TMEM132D: variants seen among roughly 807,000 people sequenced by gnomAD.
TMEM132D encodes the protein transmembrane protein 132D.
A neutral mutation model predicts 62.3 loss-of-function variants in TMEM132D; 21 were observed. The observed-to-expected ratio is 0.34, with a 90% CI of 0.24 to 0.49. The LOEUF is 0.49. TMEM132D is among the 20% of genes least tolerant of loss of function. The pLI is 0.99. For synonymous variants in TMEM132D, 621 were observed against 575.6 expected (o/e 1.08, Z -1.13); for missense variants, 1,346 against 1,402.8 (o/e 0.96, Z 0.65).
intron 4 of TMEM132D, among the ~76,000 whole-genome samples, chr12:129,335,732 T>C (rs955569392): frequency 6.6e-6 from 1 of 152,122 alleles, no homozygotes; most frequent in Non-Finnish European, 1.5e-5. Flanking sequence ...TACCTTTTCT[T>C]TTATTTCCTT....
chr12:129,208,065 G>C (rs548834151), intron 5 of TMEM132D, among the ~76,000 whole-genome samples: 1 of 152,276 alleles, frequency 6.6e-6, no homozygotes, highest in South Asian at 2.1e-4. Flanking sequence ...GCAGAGGAGT[G>C]ACATGGTCAT....
rs1873607772 is a variant in TMEM132D at position 129,460,011 on chromosome 12, A to G, written c.1115+71048T>C. Among the ~76,000 whole-genome samples, 5 of 152,216 alleles carry G rather than the reference A, an allele frequency of 3.3e-5. No homozygotes were observed. The South Asian group carries it at 8.3e-4, about 25-fold the overall frequency. On this transcript the variant is annotated intron_variant, in intron 3 of 8. Transcript: ENST00000422113. The stretch of plus-strand genomic sequence containing the variant: ...GATACATCCTTCCTGGAGTGTGTAT[A>G]AAGTATACTATGACTGCAAGTGTAT...
intron 2 of TMEM132D, among the ~76,000 whole-genome samples, chr12:129,677,744 T>C (rs1481520699): frequency 2.0e-5 from 3 of 152,006 alleles, no homozygotes; most frequent in Non-Finnish European, 4.4e-5. Flanking sequence ...ACACGTTTAG[T>C]ATTCTGATGT....
chr12:129,400,184 G>C lies in TMEM132D; in HGVS notation c.1116-62367C>G, dbSNP rs527276719. Among the ~76,000 whole-genome samples the C allele has an allele frequency of 1.3e-5, 2 of 152,062 alleles. 1 individual carries two copies. Among genetic ancestry groups the C allele is most frequent in the Admixed American group, 1.3e-4 (2 of 15,256 alleles). ...TAAGTGAGGCCCCAAATTCAGAATG[G>C]GGAAAAGGCCAAGTAGAGGGTGAGG... is the stretch of plus-strand genomic sequence containing the variant. On this transcript the variant is annotated intron_variant, in intron 3 of 8. Coordinates refer to ENST00000422113, the MANE Select transcript of TMEM132D (RefSeq NM_133448.3).
intron 1 of TMEM132D, among the ~76,000 whole-genome samples, chr12:129,874,589 G>A (rs1228095891): frequency 5.8e-5 from 7 of 120,634 alleles, no homozygotes; most frequent in African/African-American, 1.5e-4. Flanking sequence ...AATAAAGCTA[G>A]GTTAAAAAAA....
At chr12:129,427,917 TTATCTTA>T (rs1431323720) in intron 3 of TMEM132D, among the ~76,000 whole-genome samples, 3 of 152,002 alleles carry the variant, frequency 2.0e-5, no homozygotes, top group Non-Finnish European at 4.4e-5. Flanking sequence ...CCGAAACACC[TTATCTTA>T]TCTTATCTCT....
At chr12:129,846,840 T>C (rs1248251007) in intron 1 of TMEM132D, among the ~76,000 whole-genome samples, 1 of 152,246 alleles carries the variant, frequency 6.6e-6, no homozygotes, top group Non-Finnish European at 1.5e-5. Flanking sequence ...AATCTTGTCA[T>C]GTTTCCTTTT....
chr12:129,347,153 A>G (rs778870494), intron 3 of TMEM132D, among the ~76,000 whole-genome samples: 1 of 152,214 alleles, frequency 6.6e-6, no homozygotes, highest in Non-Finnish European at 1.5e-5. Flanking sequence ...TACAGATTCA[A>G]TGCTATCCCC....
At chr12:129,356,323 A>ATTTT (rs1180906878) in intron 3 of TMEM132D, among the ~76,000 whole-genome samples, 2 of 66,764 alleles carry the variant, frequency 3.0e-5, no homozygotes, top group Non-Finnish European at 6.1e-5. Flanking sequence ...CGCCCGGCTA[A>ATTTT]TTTTTTTGTA....
chr12:129,179,546 G>A (rs954041233), intron 5 of TMEM132D, among the ~76,000 whole-genome samples: 1 of 152,124 alleles, frequency 6.6e-6, no homozygotes, highest in Non-Finnish European at 1.5e-5. Context: ...TTCCACTAAG[G>A]CTGGTAGGCA....
At chr12:129,196,957 G>C (rs1878566517) in intron 5 of TMEM132D, among the ~76,000 whole-genome samples, 1 of 152,142 alleles carries the variant, frequency 6.6e-6, no homozygotes, top group African/African-American at 2.4e-5. Flanking sequence ...TAGGGTGTCA[G>C]TAAATAATCA....
At chr12:129,127,561 C>T (rs1318729456) in intron 5 of TMEM132D, among the ~76,000 whole-genome samples, 2 of 152,172 alleles carry the variant, frequency 1.3e-5, no homozygotes, top group African/African-American at 4.8e-5. Context: ...GAACAGCCCA[C>T]TCTCTGGGCA....
chr12:129,124,149 G>C (rs747316170), intron 5 of TMEM132D, among the ~76,000 whole-genome samples: 2 of 152,090 alleles, frequency 1.3e-5, no homozygotes, highest in African/African-American at 4.8e-5. Context: ...CAGATTTACA[G>C]GGTTACAGGG....
At chr12:129,776,149 T>C (rs1870914246) in intron 1 of TMEM132D, among the ~76,000 whole-genome samples, 1 of 151,990 alleles carries the variant, frequency 6.6e-6, no homozygotes, top group Admixed American at 6.6e-5. Context: ...AAAAGCAAAA[T>C]CATGAGAAAG....
At chr12:129,201,886 C>A (rs1028209012) in intron 5 of TMEM132D, among the ~76,000 whole-genome samples, 1 of 152,136 alleles carries the variant, frequency 6.6e-6, no homozygotes, top group Non-Finnish European at 1.5e-5. Flanking sequence ...ACTTTTCAAT[C>A]ATGTGACAAT....
intron 2 of TMEM132D, among the ~76,000 whole-genome samples, chr12:129,649,894 TTGTG>T (rs57011788): frequency 0.053 from 8,068 of 151,698 alleles, 609 homozygotes; most frequent in African/African-American, 0.17. Flanking sequence ...ATATGTGTGT[TTGTG>T]TGTGTGTCTA....
At chr12:129,790,116 G>A (rs1871361190) in intron 1 of TMEM132D, among the ~76,000 whole-genome samples, 1 of 152,168 alleles carries the variant, frequency 6.6e-6, no homozygotes, top group African/African-American at 2.4e-5. Flanking sequence ...GGGAGCGCAG[G>A]TGAGCAGATG....
In TMEM132D at chr12:129,332,011, G is replaced by C. The variant is rs181176993; in HGVS notation, c.1299+5623C>G. On this transcript the variant is annotated intron_variant, in intron 4 of 8. Transcript: ENST00000422113. ...GGATTGCTTGAGGCCAGGAGTTCGAGACTAGCCTGGGCAACCTGGCAAAAC... is the reference window on the plus strand; with the variant it reads ...GGATTGCTTGAGGCCAGGAGTTCGACACTAGCCTGGGCAACCTGGCAAAAC... Among the ~76,000 whole-genome samples, 1,254 of 152,274 alleles carry C rather than the reference G, an allele frequency of 8.2e-3. 8 individuals carry two copies. Among genetic ancestry groups the C allele is most frequent in the Non-Finnish European group, 0.012 (830 of 68,022 alleles).
chr12:129,338,172 C>G (rs1869354669), intron 3 of TMEM132D, among the ~76,000 whole-genome samples: 1 of 152,332 alleles, frequency 6.6e-6, no homozygotes, highest in African/African-American at 2.4e-5. Flanking sequence ...CTTTTCCTCA[C>G]TCTCACAAAT....
Sources: gnomAD v4.1 joint callset for allele counts (sites outside exome capture counted in the v4.1 genomes callset) on GRCh38, gnomAD v4.1.1 for gene constraint, MANE v1.5 for transcripts, NCBI Gene and HGNC (gene_info 2026-07-23, HGNC 2026-07-21) for gene names.